The following RIPOR2 variants were observed in gnomAD, a reference collection of about 807,000 sequenced individuals.
RIPOR2 encodes the protein rho family-interacting cell polarization regulator 2.
A neutral mutation model predicts 114.5 loss-of-function variants in RIPOR2; 39 were observed. The ratio of observed to expected loss-of-function variants is 0.34; its 90% CI spans 0.26 to 0.44. The LOEUF (loss-of-function observed/expected upper bound fraction) is 0.44, where lower values mean the gene tolerates loss of function less well. RIPOR2 is among the 20% of genes least tolerant of loss of function. The pLI, the probability that RIPOR2 is intolerant of heterozygous loss-of-function variation, is 1.00. For missense variants in RIPOR2, 1,007 were observed against 1,255.1 expected (o/e 0.80, Z 2.99); for synonymous variants, 445 against 484.4 (o/e 0.92, Z 1.07).
chr6:25,013,781 T>C (rs944685372), intron 1 of RIPOR2, among the ~76,000 whole-genome samples: 8 of 152,208 alleles, frequency 5.3e-5, no homozygotes, highest in African/African-American at 1.9e-4. Context: ...GAAATGGTGC[T>C]TGGAGTTCCT....
At chr6:24,935,070 G>T (rs992045858) in intron 1 of RIPOR2, among the ~76,000 whole-genome samples, 8 of 152,166 alleles carry the variant, frequency 5.3e-5, no homozygotes, top group Non-Finnish European at 1.2e-4. Context: ...CACTTTGGGG[G>T]GCCAAGGAGG....
intron 1 of RIPOR2, chr6:24,910,690 G>T: frequency 2.2e-6 from 1 of 449,164 alleles, no homozygotes; most frequent in Non-Finnish European, 2.9e-6. Flanking sequence ...AGCTGAGGAC[G>T]CTCCAGTTTC....
intron 1 of RIPOR2, among the ~76,000 whole-genome samples, chr6:25,031,704 T>G (rs1581986699): frequency 4.3e-4 from 1 of 2,350 alleles, no homozygotes; most frequent in African/African-American, 1.2e-3. Context: ...GGTAGTTATA[T>G]ATATATATAT....
intron 1 of RIPOR2, among the ~76,000 whole-genome samples, chr6:24,989,639 A>G (rs973412686): frequency 6.6e-6 from 1 of 152,208 alleles, no homozygotes; most frequent in African/African-American, 2.4e-5. Flanking sequence ...TGAAAAAGAT[A>G]TCACATATTG....
chr6:24,881,681 A>T (rs1386714552), intron 1 of RIPOR2, among the ~76,000 whole-genome samples: 1 of 150,842 alleles, frequency 6.6e-6, no homozygotes, highest in East Asian at 1.9e-4. Context: ...TATAATAAGT[A>T]TAAGATTTTA....
At chr6:24,857,965 C>T (rs757908818) in intron 8 of RIPOR2, among the ~76,000 whole-genome samples, 1 of 152,214 alleles carries the variant, frequency 6.6e-6, no homozygotes, top group Non-Finnish European at 1.5e-5. Context: ...CACCGGTCTA[C>T]TTGTCACCTC....
intron 1 of RIPOR2, among the ~76,000 whole-genome samples, chr6:25,035,056 T>C (rs1316659687): frequency 6.6e-6 from 1 of 152,228 alleles, no homozygotes; most frequent in Non-Finnish European, 1.5e-5. Context: ...GGTATATAAA[T>C]AATTTTTATG....
chr6:24,878,038 A>G (rs1765973548), intron 1 of RIPOR2, among the ~76,000 whole-genome samples: 1 of 152,204 alleles, frequency 6.6e-6, no homozygotes, highest in Non-Finnish European at 1.5e-5. Flanking sequence ...AATGTGAACT[A>G]CTGATTAGGA....
At chr6:24,903,735 G>A (rs894344736) in intron 1 of RIPOR2, among the ~76,000 whole-genome samples, 1 of 152,148 alleles carries the variant, frequency 6.6e-6, no homozygotes, top group Non-Finnish European at 1.5e-5. Context: ...AACTTCTAAT[G>A]TGGTAAAACA....
intron 1 of RIPOR2, among the ~76,000 whole-genome samples, chr6:24,966,723 C>T (rs544284204): frequency 6.6e-6 from 1 of 152,296 alleles, no homozygotes; most frequent in South Asian, 2.1e-4. Flanking sequence ...TACAGCACTG[C>T]CATGTGAACC....
chr6:24,935,366 C>CAGAGAGAGAGAGAGACAG (rs112681010), intron 1 of RIPOR2, among the ~76,000 whole-genome samples: 1 of 141,860 alleles, frequency 7.0e-6, no homozygotes, highest in Non-Finnish European at 1.5e-5. Context: ...GAAAGATAGA[C>CAGAGAGAGAGAGAGACAG]AGAGAGAGAG....
intron 1 of RIPOR2, among the ~76,000 whole-genome samples, chr6:25,033,672 A>G (rs537804816): frequency 9.9e-5 from 15 of 152,224 alleles, no homozygotes; most frequent in Non-Finnish European, 1.6e-4. Flanking sequence ...GTCTTCACTC[A>G]TTTTATATTT....
intron 15 of RIPOR2, 41 bp downstream of exon 15, chr6:24,835,662 A>C (rs1360505618): frequency 6.5e-7 from 1 of 1,537,392 alleles, no homozygotes; most frequent in Non-Finnish European, 8.8e-7. Context: ...TGGTATGTAA[A>C]TCACCTGGCA....
intron 1 of RIPOR2, among the ~76,000 whole-genome samples, chr6:24,954,736 C>T (rs1236135619): frequency 2.0e-5 from 3 of 152,156 alleles, no homozygotes; most frequent in Non-Finnish European, 4.4e-5. Flanking sequence ...GTGTGAACCA[C>T]TGCACTCAGC....
At chr6:25,002,308 A>G (rs1454575014) in intron 1 of RIPOR2, among the ~76,000 whole-genome samples, 1 of 152,232 alleles carries the variant, frequency 6.6e-6, no homozygotes, top group Non-Finnish European at 1.5e-5. Flanking sequence ...TTCTGTGGAC[A>G]AGAACATAAC....
intron 11 of RIPOR2, 62 bp downstream of exon 11, chr6:24,849,740 T>C (rs1762669656): frequency 1.4e-6 from 2 of 1,467,620 alleles, no homozygotes; most frequent in Non-Finnish European, 9.5e-7. Flanking sequence ...TGCACCAGCT[T>C]TGAGTAGCAC....
chr6:24,965,222 C>T (rs1303191421), intron 1 of RIPOR2, among the ~76,000 whole-genome samples: 1 of 152,002 alleles, frequency 6.6e-6, no homozygotes, highest in Non-Finnish European at 1.5e-5. Context: ...ACTGCAGCCT[C>T]CACCTCCCAA....
In RIPOR2 at chr6:24,843,535, ATG is replaced by A. The variant is rs1761951514; in HGVS notation, c.1182_1183del (p.Ile395LeufsTer2). 6.6e-7 allele frequency: 1 copy of A among 1,523,888 alleles called. No homozygotes were observed. Among genetic ancestry groups the A allele is most frequent in the African/African-American group, 1.4e-5 (1 of 71,900 alleles). 94.4% of individuals were successfully genotyped at this position (1,523,888 alleles called of 1,614,324 possible). Reference sequence around the variant, plus strand: ...CTCGGCTGCCTTTCCATTTTCAAAGATGTCATCAGGTAGATTTGACTATAGAT... The same window carrying A: ...CTCGGCTGCCTTTCCATTTTCAAAGATCATCAGGTAGATTTGACTATAGAT... On this transcript the variant is annotated frameshift_variant, in exon 13 of 22. Coordinates refer to ENST00000643898, the MANE Select transcript of RIPOR2 (RefSeq NM_001286445.3). LOFTEE classifies it high-confidence loss of function.
At chr6:24,997,102 T>C (rs554102758) in intron 1 of RIPOR2, among the ~76,000 whole-genome samples, 52 of 152,330 alleles carry the variant, frequency 3.4e-4, no homozygotes, top group African/African-American at 1.2e-3. Flanking sequence ...TGTCTGCTCA[T>C]TGGGCTCACC....
Sources: allele counts gnomAD v4.1 joint callset (sites outside exome capture counted in the v4.1 genomes callset), GRCh38; gene constraint gnomAD v4.1.1; transcripts MANE v1.5; gene names NCBI Gene and HGNC (gene_info 2026-07-23, HGNC 2026-07-21).